Variants in JAZF1 observed in about 807,000 individuals in gnomAD.
JAZF1 encodes the protein juxtaposed with another zinc finger protein 1.
JAZF1 carries 8 observed loss-of-function variants against 26.4 expected under a neutral mutation model. That is an observed-to-expected ratio of 0.30 (90% CI 0.18 to 0.55). JAZF1 has a LOEUF of 0.55. JAZF1 is among the 20% of genes least tolerant of loss of function. The pLI, the probability that JAZF1 is intolerant of heterozygous loss-of-function variation, is 0.94. For missense variants in JAZF1, 199 were observed against 322.0 expected (o/e 0.62, Z 2.92); for synonymous variants, 126 against 122.3 (o/e 1.03, Z -0.20).
intron 4 of JAZF1, among the ~76,000 whole-genome samples, chr7:27,837,401 T>C (rs1236638494): frequency 2.0e-5 from 3 of 152,214 alleles, no homozygotes; most frequent in African/African-American, 7.2e-5. Flanking sequence ...CTCCCATGGC[T>C]TTGGGGCTCA....
intron 3 of JAZF1, among the ~76,000 whole-genome samples, chr7:27,869,258 C>G (rs1020646084): frequency 6.6e-6 from 1 of 151,014 alleles, no homozygotes; most frequent in African/African-American, 2.4e-5. Context: ...CCCAAACAAG[C>G]GGCAACAGAA....
chr7:27,993,177 A>T (rs566558948), intron 1 of JAZF1, among the ~76,000 whole-genome samples: 1 of 152,324 alleles, frequency 6.6e-6, no homozygotes, highest in African/African-American at 2.4e-5. Flanking sequence ...AATTTCAGGG[A>T]CACACTATTC....
intron 1 of JAZF1, among the ~76,000 whole-genome samples, chr7:28,150,057 T>G (rs938901925): frequency 6.6e-6 from 1 of 152,186 alleles, no homozygotes; most frequent in Non-Finnish European, 1.5e-5. Flanking sequence ...TGAAGAGGAT[T>G]CCATTTCCTT....
chr7:27,899,849 G>A (rs147670334), intron 2 of JAZF1, among the ~76,000 whole-genome samples: 1 of 152,272 alleles, frequency 6.6e-6, no homozygotes, highest in East Asian at 1.9e-4. Context: ...TAGGATAGTG[G>A]CAGAGCTGGC....
chr7:27,928,009 T>G (rs189138654), intron 2 of JAZF1, among the ~76,000 whole-genome samples: 1 of 152,360 alleles, frequency 6.6e-6, no homozygotes, highest in East Asian at 1.9e-4. Flanking sequence ...AACATGTTTG[T>G]GTTTTATTTG....
chr7:28,063,600 G>A (rs1783833796), intron 1 of JAZF1, among the ~76,000 whole-genome samples: 1 of 152,100 alleles, frequency 6.6e-6, no homozygotes, highest in Non-Finnish European at 1.5e-5. Flanking sequence ...TTTAAGAATA[G>A]TTTCATATCA....
At chr7:27,846,091 A>AC (rs1040159465) in intron 3 of JAZF1, among the ~76,000 whole-genome samples, 1 of 151,886 alleles carries the variant, frequency 6.6e-6, no homozygotes, top group African/African-American at 2.4e-5. Context: ...CGTACCTACT[A>AC]CTTCATAACT....
At chr7:28,170,369 GTGTGTGTGTGTGTGTGTGTGTGTGTA>G (rs1562611265) in intron 1 of JAZF1, among the ~76,000 whole-genome samples, 6 of 144,966 alleles carry the variant, frequency 4.1e-5, no homozygotes, top group African/African-American at 1.5e-4. Context: ...GTGTGTGTGT[GTGTGTGTGTGTGTGTGTGTGTGTGTA>G]TGTGTGTATG....
chr7:27,925,967 G>A (rs1396517461), intron 2 of JAZF1, among the ~76,000 whole-genome samples: 1 of 152,206 alleles, frequency 6.6e-6, no homozygotes, highest in Non-Finnish European at 1.5e-5. Context: ...AGAGTCCCCT[G>A]TGGTATGCAG....
intron 1 of JAZF1, among the ~76,000 whole-genome samples, chr7:28,057,134 A>C (rs768221830): frequency 6.6e-6 from 1 of 152,216 alleles, no homozygotes; most frequent in Non-Finnish European, 1.5e-5. Flanking sequence ...TGCACATTAA[A>C]GAGGGTTTAC....
intron 2 of JAZF1, among the ~76,000 whole-genome samples, chr7:27,972,322 T>C (rs1034019673): frequency 2.0e-5 from 3 of 151,994 alleles, no homozygotes; most frequent in African/African-American, 2.4e-5. Context: ...AAAGCTCTGA[T>C]TGGAGGGAGA....
At chr7:27,863,195 T>A (rs975208822) in intron 3 of JAZF1, among the ~76,000 whole-genome samples, 77 of 152,236 alleles carry the variant, frequency 5.1e-4, no homozygotes, top group African/African-American at 1.8e-3. Flanking sequence ...TACTTCGTTG[T>A]CTATTCCTTC....
At chr7:27,950,394 T>C (rs1784989580) in intron 2 of JAZF1, among the ~76,000 whole-genome samples, 1 of 151,996 alleles carries the variant, frequency 6.6e-6, no homozygotes. Flanking sequence ...TTTGGATCCA[T>C]TGCCTTGGAA....
At chr7:27,952,140 G>A (rs1785020367) in intron 2 of JAZF1, among the ~76,000 whole-genome samples, 1 of 152,148 alleles carries the variant, frequency 6.6e-6, no homozygotes. Flanking sequence ...TAATGAGTAA[G>A]AATTAGCACC....
chr7:28,130,216 A>T (rs548599167), intron 1 of JAZF1, among the ~76,000 whole-genome samples: 1 of 152,178 alleles, frequency 6.6e-6, no homozygotes, highest in Non-Finnish European at 1.5e-5. Flanking sequence ...TTCATACAAC[A>T]AGTATCCACT....
chr7:27,957,408 A>C (rs982989834), intron 2 of JAZF1, among the ~76,000 whole-genome samples: 3 of 152,216 alleles, frequency 2.0e-5, no homozygotes, highest in African/African-American at 7.2e-5. Flanking sequence ...CAATACCTCC[A>C]GGTAGTTCAT....
intron 2 of JAZF1, among the ~76,000 whole-genome samples, chr7:27,921,842 G>A (rs1784534532): frequency 6.6e-6 from 1 of 152,176 alleles, no homozygotes; most frequent in African/African-American, 2.4e-5. Context: ...GATCAGCCAT[G>A]TAGTGAGATC....
intron 3 of JAZF1, among the ~76,000 whole-genome samples, chr7:27,846,089 C>T (rs1783025848): frequency 6.6e-6 from 1 of 152,124 alleles, no homozygotes. Context: ...TACGTACCTA[C>T]TACTTCATAA....
At chr7:28,082,644 C>G (rs1013720478) in intron 1 of JAZF1, among the ~76,000 whole-genome samples, 1 of 152,164 alleles carries the variant, frequency 6.6e-6, no homozygotes, top group African/African-American at 2.4e-5. Context: ...GCAGCCTCTT[C>G]TGGGTGAAAG....
Sources: allele counts gnomAD v4.1 joint callset (sites outside exome capture counted in the v4.1 genomes callset), GRCh38; gene constraint gnomAD v4.1.1; transcripts MANE v1.5; gene names NCBI Gene and HGNC (gene_info 2026-07-23, HGNC 2026-07-21).